The following NKTR variants were observed in gnomAD, a reference collection of about 807,000 sequenced individuals.
The protein encoded by NKTR is natural killer cell triggering receptor, also known as NK-tumor recognition protein.
A neutral mutation model predicts 156.3 loss-of-function variants in NKTR; 67 were observed. The ratio of observed to expected loss-of-function variants is 0.43; its 90% CI spans 0.35 to 0.53. The LOEUF (loss-of-function observed/expected upper bound fraction) is 0.53, where lower values mean the gene tolerates loss of function less well. NKTR is among the 20% of genes least tolerant of loss of function. The pLI is 0.01. For synonymous variants in NKTR, 640 were observed against 596.6 expected, an observed-to-expected ratio of 1.07 and a Z score of -1.06; for missense variants, 1,604 against 1,730.9, an observed-to-expected ratio of 0.93 and a Z score of 1.30.
At chr3:42,604,116 T>C (rs1705924284) in intron 2 of NKTR, among the ~76,000 whole-genome samples, 1 of 152,226 alleles carries the variant, frequency 6.6e-6, no homozygotes, top group Non-Finnish European at 1.5e-5. Flanking sequence ...TCACAGCCTC[T>C]TTTAATATCT....
At chr3:42,625,818 A>T (rs1199735985) in intron 6 of NKTR, among the ~76,000 whole-genome samples, 1 of 152,138 alleles carries the variant, frequency 6.6e-6, no homozygotes. Flanking sequence ...GTCATCCCTA[A>T]CATTCAGGCT....
rs1707790800 is a variant in NKTR at position 42,620,260 on chromosome 3, G to GT, written c.286+560dup. ...TCAGAGAAAAGAGTCTAGTTGTGGG[G>GT]TTTTTTTTCCCCTAAACCAAGCAAT... On this transcript the variant is annotated intron_variant, in intron 5 of 16. Transcript: ENST00000232978. The GT allele has an allele frequency of 4.5e-5, 56 of 1,246,518 alleles. 1 individual carries two copies. In the South Asian group the frequency reaches 1.0e-3, roughly 22 times the overall value. 77.2% of individuals were successfully genotyped at this position (1,246,518 alleles called of 1,614,324 possible). A position where few individuals can be genotyped will look rare whatever the true frequency, so the allele number is the denominator to read the frequency against.
intron 2 of NKTR, among the ~76,000 whole-genome samples, chr3:42,606,331 C>T (rs1032596701): frequency 6.6e-6 from 1 of 152,170 alleles, no homozygotes; most frequent in Non-Finnish European, 1.5e-5. Context: ...AATTCTATCA[C>T]TGTTCTTGTA....
chr3:42,611,274 T>C (rs1386893295), intron 2 of NKTR: 2 of 152,218 alleles, frequency 1.3e-5, no homozygotes, highest in Admixed American at 6.5e-5. Context: ...GGACATGTCA[T>C]GGAAAAAGCT....
intron 6 of NKTR, chr3:42,627,620 C>T (rs1376620356): frequency 1.0e-6 from 1 of 984,894 alleles, no homozygotes; most frequent in Non-Finnish European, 1.2e-6. Flanking sequence ...GGCTTAAATA[C>T]CTTGCACACA....
At position 42,638,999 on chromosome 3, in the gene NKTR, G is replaced by A; in HGVS notation, c.3295G>A (p.Glu1099Lys). Residue 1099 changes from glutamate (E) to lysine (K), a missense_variant, in exon 13 of 17, where the codon GAG becomes AAG. Coordinates refer to ENST00000232978, the MANE Select transcript of NKTR (RefSeq NM_005385.4). Reference sequence around the variant, plus strand: ...TATTTCTCCCACAGCTTTAAATACTGAGGAAAATGTGGCCTGTTTACAAAA... The same window carrying A: ...TATTTCTCCCACAGCTTTAAATACTAAGGAAAATGTGGCCTGTTTACAAAA... ...LSISPTALNT[E>K]ENVACLQNIQ... is the part of the protein sequence containing the mutation. The A allele has an allele frequency of 6.2e-7, 1 of 1,613,488 alleles. No homozygotes were observed. Among genetic ancestry groups the A allele is most frequent in the Non-Finnish European group, 8.5e-7 (1 of 1,179,818 alleles).
chr3:42,644,028 T>G (rs1326814531), intron 16 of NKTR, 25 bp downstream of exon 16: 1 of 1,549,556 alleles, frequency 6.5e-7, no homozygotes, highest in Non-Finnish European at 8.9e-7. Context: ...TTTATCGTCC[T>G]TTATCGCACT....
Position 42,638,462 on chromosome 3 carries a change from T to G in NKTR, c.2758T>G (p.Ser920Ala). Residue 920 changes from serine to alanine, a missense_variant, in exon 13 of 17, where the codon TCA (serine) becomes GCA (alanine). Around this residue, in one of 6 missense-constraint regions of NKTR, gnomAD observed 1,255 missense variants for 1,243.7 expected, o/e 1.01. Transcript: ENST00000232978. ...AGGTGAGGCCACATCCGATTCTGAATCAGAGGTTAGTGAAATTCACATCAA... is the reference window on the plus strand; with the variant it reads ...AGGTGAGGCCACATCCGATTCTGAAGCAGAGGTTAGTGAAATTCACATCAA... Reference protein sequence around the residue: ...EEGEATSDSESEVSEIHIKVK... With the variant: ...EEGEATSDSEAEVSEIHIKVK... The G allele has an allele frequency of 2.5e-6, 4 of 1,611,624 alleles. No individual in the cohort carries two copies. Among genetic ancestry groups the G allele is most frequent in the Non-Finnish European group, 3.4e-6 (4 of 1,179,234 alleles).
At chr3:42,602,802 A>T (rs1705678482) in intron 2 of NKTR, 1 of 152,000 alleles carries the variant, frequency 6.6e-6, no homozygotes, top group Non-Finnish European at 1.5e-5. Flanking sequence ...TATCATTTTG[A>T]GGTCAGGAGT....
Position 42,644,007 on chromosome 3 carries a change from G to A in NKTR, c.4301+4G>A. 1.2e-6 allele frequency: 2 copies of A among 1,609,746 alleles called. No homozygotes were observed. Among genetic ancestry groups the A allele is most frequent in the Non-Finnish European group, 1.7e-6 (2 of 1,176,612 alleles). Reference sequence around the variant, plus strand: ...GAAGTTATAATCGGCGGTCCAGGTGGGTCTCTCTCCTTTATCGTCCTTTAT... The same window carrying A: ...GAAGTTATAATCGGCGGTCCAGGTGAGTCTCTCTCCTTTATCGTCCTTTAT... On this transcript the variant is annotated splice_donor_region_variant and intron_variant, in intron 16 of 16. Coordinates refer to ENST00000232978, the MANE Select transcript of NKTR (RefSeq NM_005385.4).
At position 42,637,515 on chromosome 3, in the gene NKTR, A is replaced by G; in HGVS notation, c.1811A>G (p.Asn604Ser). ...NVVVQPVVAE[N>S]IPVIPLSDSP... is the part of the protein sequence containing the mutation. ...GTAGTACAACCAGTTGTAGCAGAAA[A>G]TATTCCTGTAATACCACTGAGTGAC... The change falls in exon 13 of 17, where the codon AAT (asparagine) becomes AGT (serine). Residue 604 changes from asparagine to serine, a missense_variant. By Grantham distance (46) the Asn-to-Ser change is conservative. Coordinates refer to ENST00000232978, the MANE Select transcript of NKTR (RefSeq NM_005385.4). 6.2e-7 allele frequency: 1 copy of G among 1,614,094 alleles called. No homozygotes were observed. The highest frequency in any genetic ancestry group is 8.5e-7 in the Non-Finnish European group (1 of 1,180,018).
intron 6 of NKTR, chr3:42,628,635 G>C (rs1028826920): frequency 1.0e-6 from 1 of 985,258 alleles, no homozygotes; most frequent in Non-Finnish European, 1.2e-6. Context: ...TATCTAATCA[G>C]GAAACCATAC....
intron 6 of NKTR, among the ~76,000 whole-genome samples, chr3:42,622,541 A>G (rs1490701946): frequency 1.3e-5 from 2 of 152,090 alleles, no homozygotes; most frequent in Non-Finnish European, 2.9e-5. Context: ...ATATATTTCT[A>G]CATGATCTGA....
intron 8 of NKTR, among the ~76,000 whole-genome samples, chr3:42,631,897 CTCTT>C (rs1476247050): frequency 6.6e-6 from 1 of 152,066 alleles, no homozygotes; most frequent in Non-Finnish European, 1.5e-5. Flanking sequence ...GCTGCCTATT[CTCTT>C]TGTCTGGAAC....
chr3:42,621,051 G>A (rs2125785833), intron 5 of NKTR: 1 of 982,990 alleles, frequency 1.0e-6, no homozygotes, highest in Non-Finnish European at 1.2e-6. Flanking sequence ...TCCATGTATA[G>A]CACATTAGGC....
chr3:42,645,789 T>A (rs1374207890), intron 16 of NKTR, 99 bp from the exon 17 acceptor site: 7 of 677,848 alleles, frequency 1.0e-5, no homozygotes, highest in Admixed American at 3.0e-5. Context: ...GAAAACACTA[T>A]TGATGTTTTC....
chr3:42,639,569 C>T lies in NKTR; in HGVS notation c.3865C>T (p.Arg1289Cys), dbSNP rs752858741. The change falls in exon 13 of 17, where the codon CGT (arginine) becomes TGT (cysteine). Residue 1289 changes from arginine (R) to cysteine (C), a missense_variant. Coordinates refer to ENST00000232978, the MANE Select transcript of NKTR (RefSeq NM_005385.4). ...AGTAAGAAAGACAGCACGCTTAAACCGTAGACCAAGAAATCAGGAGAGTTC... is the reference window on the plus strand; with the variant it reads ...AGTAAGAAAGACAGCACGCTTAAACTGTAGACCAAGAAATCAGGAGAGTTC... ...DEVRKTARLN[R>C]RPRNQESSSD... is the part of the protein sequence containing the mutation. 45 of 1,614,028 alleles carry T rather than the reference C, an allele frequency of 2.8e-5. 2 individuals carry two copies. Among genetic ancestry groups the T allele is most frequent in the Middle Eastern group, 3.3e-4 (2 of 6,084 alleles).
chr3:42,603,060 T>C (rs1243720180), intron 2 of NKTR: 2 of 150,014 alleles, frequency 1.3e-5, no homozygotes, highest in African/African-American at 4.9e-5. Flanking sequence ...AGAAAAATAG[T>C]AGATTGCTGA....
Position 42,639,705 on chromosome 3 carries a change from A to G in NKTR, c.4001A>G (p.Tyr1334Cys), listed in dbSNP as rs769474129. ...AGACACAGAACAAGGTCTGTCTCCT[A>G]TAGTCACTCAAGAAGTCGATCGAGA... ...KSRHRTRSVS[Y>C]SHSRSRSRSS... Residue 1334 changes from tyrosine (Y) to cysteine (C), a missense_variant, in exon 13 of 17, where the codon TAT becomes TGT. Tyr to Cys is a radical substitution (Grantham distance 194, BLOSUM62 -2). Transcript: ENST00000232978. The G allele has an allele frequency of 4.3e-6, 7 of 1,612,870 alleles. No individual in the cohort carries two copies. Among genetic ancestry groups the G allele is most frequent in the South Asian group, 2.2e-5 (2 of 90,814 alleles).
Sources: gnomAD v4.1 joint callset for allele counts (sites outside exome capture counted in the v4.1 genomes callset) on GRCh38, gnomAD v4.1.1 for gene constraint, gnomAD v4.1.1 regional missense constraint, MANE v1.5 for transcripts, NCBI Gene and HGNC (gene_info 2026-07-23, HGNC 2026-07-21) for gene names.